CCND1: variants seen among roughly 807,000 people sequenced by gnomAD.
The protein encoded by CCND1 is G1/S-specific cyclin-D1.
In CCND1, 9 loss-of-function variants were observed where a neutral mutation model predicts 26.1. The observed-to-expected ratio is 0.35, with a 90% CI of 0.21 to 0.60. CCND1 has a LOEUF of 0.60. Among genes scored for constraint, CCND1 ranks in the 20% least tolerant of loss-of-function variants. The pLI is 0.79. For missense variants in CCND1, 335 were observed against 392.9 expected (o/e 0.85, Z 1.25); for synonymous variants, 194 against 166.1 (o/e 1.17, Z -1.29).
At position 69,652,305 on chromosome 11, in the gene CCND1, G is replaced by T. The variant is rs1855865793; in HGVS notation, c.*1023G>T. The stretch of plus-strand genomic sequence containing the variant: ...ACCATTCCATTTCCAAGCACTTTCA[G>T]TCCAATAGGTGTAGGAAATAGCGCT... On this transcript the variant is annotated 3_prime_UTR_variant, in exon 5 of 5. Coordinates refer to ENST00000227507, the MANE Select transcript of CCND1 (RefSeq NM_053056.3). The T allele has an allele frequency of 8.6e-6, 2 of 233,574 alleles. No individual in the cohort carries two copies. Among genetic ancestry groups the T allele is most frequent in the Non-Finnish European group, 1.7e-5 (2 of 118,056 alleles). 14.5% of individuals were successfully genotyped at this position (233,574 alleles called of 1,614,324 possible). A position where few individuals can be genotyped will look rare whatever the true frequency, so the allele number is the denominator to read the frequency against.
Position 69,643,147 on chromosome 11 carries a change from T to C in CCND1, c.315T>C (p.Thr105=). 1.2e-6 allele frequency: 2 copies of C among 1,609,910 alleles called. No homozygotes were observed. The highest frequency in any genetic ancestry group is 1.7e-6 in the Non-Finnish European group (2 of 1,178,364). The change falls in exon 2 of 5, where the codon ACT becomes ACC. Residue 105 remains threonine (T), a synonymous_variant. Coordinates refer to ENST00000227507, the MANE Select transcript of CCND1 (RefSeq NM_053056.3). ...KKSRLQLLGA[T]CMFVASKMKE... ...GCCGCCTGCAGCTGCTGGGGGCCAC[T>C]TGCATGTTCGTGGCCTCTAAGATGA...
rs1268737656 is a variant in CCND1 at position 69,654,255 on chromosome 11, T to C, written c.*2973T>C. On this transcript the variant is annotated 3_prime_UTR_variant, in exon 5 of 5. Transcript: ENST00000227507. This position sits in a 1 kb window ranked among gnomAD's most constrained non-coding sequence, Gnocchi z 6.3. Reference sequence around the variant, plus strand: ...GGGCAAGGGCACAAGTCCTGGATGTTGTGTGTATCGAGAGGCCAAAGGCTG... The same window carrying C: ...GGGCAAGGGCACAAGTCCTGGATGTCGTGTGTATCGAGAGGCCAAAGGCTG... The C allele has an allele frequency of 1.4e-6, 1 of 702,382 alleles. No homozygotes were observed. Among genetic ancestry groups the C allele is most frequent in the Admixed American group, 2.0e-5 (1 of 49,988 alleles). The allele number at this position is 702,382 out of a possible 1,614,324, so 43.5% of individuals were successfully genotyped here. A position where few individuals can be genotyped will look rare whatever the true frequency, so the allele number is the denominator to read the frequency against.
At position 69,643,929 on chromosome 11, in the gene CCND1, C is replaced by T. The variant is rs1373641771; in HGVS notation, c.512C>T (p.Ala171Val). The part of the protein sequence containing the change: ...IEHFLSKMPE[A>V]EENKQIIRKH... ...CACTTCCTCTCCAAAATGCCAGAGG[C>T]GGAGGAGAACAAACAGATCATCCGC... Residue 171 changes from alanine to valine, a missense_variant, in exon 3 of 5, where the codon GCG becomes GTG. Physicochemically the swap from Ala to Val is moderately conservative, Grantham distance 64. Transcript: ENST00000227507. 1.9e-6 allele frequency: 3 copies of T among 1,613,590 alleles called. No homozygotes were observed. Among genetic ancestry groups the T allele is most frequent in the Non-Finnish European group, 2.5e-6 (3 of 1,180,006 alleles).
chr11:69,641,497 A>T lies in CCND1; in HGVS notation c.184A>T (p.Thr62Ser), dbSNP rs1855699349. ...VLPSMRKIVA[T>S]WMLEVCEEQK... ...GCCGTCCATGCGGAAGATCGTCGCC[A>T]CCTGGATGCTGGAGGTGCGGGGCTT... The change falls in exon 1 of 5, where the codon ACC becomes TCC. Residue 62 changes from threonine to serine, a missense_variant. Transcript: ENST00000227507. 2 of 1,613,078 alleles carry T rather than the reference A, an allele frequency of 1.2e-6. No individual in the cohort carries two copies. Among genetic ancestry groups the T allele is most frequent in the Admixed American group, 1.7e-5 (1 of 60,018 alleles).
intron 2 of CCND1, 92 bp downstream of exon 2, chr11:69,643,338 CCT>C: frequency 9.6e-7 from 1 of 1,038,002 alleles, no homozygotes; most frequent in South Asian, 1.5e-5. Flanking sequence ...GGCCGGCCCG[CCT>C]CTGACATATC....
intron 1 of CCND1, 78 bp downstream of exon 1, chr11:69,641,589 C>A (rs898743929): frequency 1.3e-5 from 17 of 1,339,430 alleles, no homozygotes; most frequent in African/African-American, 4.3e-5. Flanking sequence ...CTACTCACCC[C>A]CCTCCCTTCT....
chr11:69,653,076 A>G lies in CCND1; in HGVS notation c.*1794A>G, dbSNP rs1855874419. On this transcript the variant is annotated 3_prime_UTR_variant, in exon 5 of 5. Transcript: ENST00000227507. ...AATAGACAATTTGCACATCTTGGCTATGTAATTCTTGTAATTTTTATTTAG... is the reference window on the plus strand; with the variant it reads ...AATAGACAATTTGCACATCTTGGCTGTGTAATTCTTGTAATTTTTATTTAG... 1 of 537,254 alleles carries G rather than the reference A, an allele frequency of 1.9e-6. No homozygotes were observed. Among genetic ancestry groups the G allele is most frequent in the Non-Finnish European group, 3.3e-6 (1 of 305,878 alleles). The allele number at this position is 537,254 out of a possible 1,614,324, so 33.3% of individuals were successfully genotyped here. A position where few individuals can be genotyped will look rare whatever the true frequency, so the allele number is the denominator to read the frequency against.
intron 2 of CCND1, 27 bp downstream of exon 2, chr11:69,643,273 GC>G: frequency 2.6e-6 from 4 of 1,518,520 alleles, no homozygotes; most frequent in Non-Finnish European, 8.9e-7. Flanking sequence ...GCCGCCCCCC[GC>G]CCCCCGCGAG....
chr11:69,653,531 G>A lies in CCND1; in HGVS notation c.*2249G>A, dbSNP rs1479318454. On this transcript the variant is annotated 3_prime_UTR_variant, in exon 5 of 5. Coordinates refer to ENST00000227507, the MANE Select transcript of CCND1 (RefSeq NM_053056.3). ...TTCACTTAGCCATGGTGGACCCAGC[G>A]GGCAGGTTCTGCCTGCTTTGGCGGG... 21 of 554,424 alleles carry A rather than the reference G, an allele frequency of 3.8e-5. No homozygotes were observed. Among genetic ancestry groups the A allele is most frequent in the East Asian group, 9.4e-5 (3 of 32,048 alleles). The allele number at this position is 554,424 out of a possible 1,614,324, so 34.3% of individuals were successfully genotyped here. A position where few individuals can be genotyped will look rare whatever the true frequency, so the allele number is the denominator to read the frequency against.
chr11:69,644,005 G>C lies in CCND1; in HGVS notation c.574+14G>C, dbSNP rs748185975. 2 of 1,612,784 alleles carry C rather than the reference G, an allele frequency of 1.2e-6. No homozygotes were observed. Among genetic ancestry groups the C allele is most frequent in the Non-Finnish European group, 1.7e-6 (2 of 1,179,886 alleles). ...TCTGTGCCACAGGTAGGGCAGGCCC[G>C]GCAGCCCCCGGCCTCCCCTTGAGAG... is the stretch of plus-strand genomic sequence containing the variant. On this transcript the variant is annotated intron_variant, in intron 3 of 4. Coordinates refer to ENST00000227507, the MANE Select transcript of CCND1 (RefSeq NM_053056.3).
rs775045588 is a variant in CCND1, at chr11:69,651,287, G to A, written c.*5G>A. ...GTGCGGGACGTGGACATCTGAGGGC[G>A]CCAGGCAGGCGGGCGCCACCGCCAC... is the stretch of plus-strand genomic sequence containing the variant. On this transcript the variant is annotated 3_prime_UTR_variant, in exon 5 of 5. Coordinates refer to ENST00000227507, the MANE Select transcript of CCND1 (RefSeq NM_053056.3). 4 of 1,479,268 alleles carry A rather than the reference G, an allele frequency of 2.7e-6. No homozygotes were observed. Among genetic ancestry groups the A allele is most frequent in the East Asian group, 2.6e-5 (1 of 37,836 alleles). The allele number at this position is 1,479,268 out of a possible 1,614,324, so 91.6% of individuals were successfully genotyped here. A position where few individuals can be genotyped will look rare whatever the true frequency, so the allele number is the denominator to read the frequency against.
At position 69,641,204 on chromosome 11, in the gene CCND1, G is replaced by C. The variant is rs922359605; in HGVS notation, c.-110G>C. The C allele has an allele frequency of 1.8e-6, 2 of 1,100,342 alleles. No individual in the cohort carries two copies. Among genetic ancestry groups the C allele is most frequent in the Non-Finnish European group, 2.7e-6 (2 of 738,132 alleles). 68.2% of individuals were successfully genotyped at this position (1,100,342 alleles called of 1,614,324 possible). A position where few individuals can be genotyped will look rare whatever the true frequency, so the allele number is the denominator to read the frequency against. Reference sequence around the variant, plus strand: ...GCGAGCAGCAGAGTCCGCACGCTCCGGCGAGGGGCAGAAGAGCGCGAGGGA... The same window carrying C: ...GCGAGCAGCAGAGTCCGCACGCTCCCGCGAGGGGCAGAAGAGCGCGAGGGA... On this transcript the variant is annotated 5_prime_UTR_variant, in exon 1 of 5. Coordinates refer to ENST00000227507, the MANE Select transcript of CCND1 (RefSeq NM_053056.3).
In CCND1 at chr11:69,648,449, G is replaced by T. The variant is rs962253806; in HGVS notation, c.723+307G>T. Among the ~76,000 whole-genome samples, 4 of 152,370 alleles carry T rather than the reference G, an allele frequency of 2.6e-5. No homozygotes were observed. In the East Asian group the frequency reaches 7.7e-4, roughly 29 times the overall value. On this transcript the variant is annotated intron_variant, in intron 4 of 4. Coordinates refer to ENST00000227507, the MANE Select transcript of CCND1 (RefSeq NM_053056.3). ...CAGGCGGCCCCAGCCAATGGTCTGT[G>T]TGGTGATGGTGTGTGGGGTTAGGCC...
intron 3 of CCND1, among the ~76,000 whole-genome samples, chr11:69,644,378 C>T (rs568929451): frequency 4.7e-4 from 71 of 152,324 alleles, no homozygotes; most frequent in African/African-American, 1.6e-3. Context: ...CCTTAAGGAG[C>T]CTGAGCTGCA....
chr11:69,653,427 T>G lies in CCND1; in HGVS notation c.*2145T>G. The G allele has an allele frequency of 1.6e-6, 1 of 633,366 alleles. No homozygotes were observed. Among genetic ancestry groups the G allele is most frequent in the Non-Finnish European group, 2.8e-6 (1 of 359,978 alleles). The allele number at this position is 633,366 out of a possible 1,614,324, so 39.2% of individuals were successfully genotyped here. A position where few individuals can be genotyped will look rare whatever the true frequency, so the allele number is the denominator to read the frequency against. ...CAGATGCCTTTTTTGTAGTTTTTTT[T>G]TTTTTTATGTGATCAATTTTGACTT... On this transcript the variant is annotated 3_prime_UTR_variant, in exon 5 of 5. Transcript: ENST00000227507.
intron 3 of CCND1, among the ~76,000 whole-genome samples, chr11:69,646,602 C>T (rs888400489): frequency 2.0e-5 from 3 of 152,172 alleles, no homozygotes; most frequent in Non-Finnish European, 4.4e-5. Context: ...TCATCCCTGC[C>T]GACGTCCGGC....
intron 4 of CCND1, among the ~76,000 whole-genome samples, chr11:69,649,004 G>A (rs1855822101): frequency 6.6e-6 from 1 of 152,242 alleles, no homozygotes; most frequent in South Asian, 2.1e-4. Flanking sequence ...TGTCTCGGAA[G>A]AGGAAGAAGC....
intron 4 of CCND1, 131 bp downstream of exon 4, chr11:69,648,273 G>C (rs893790959): frequency 7.0e-6 from 7 of 995,566 alleles, no homozygotes; most frequent in Admixed American, 4.9e-5. Context: ...TGGGCCCCTC[G>C]GACCCCAGGC....
At chr11:69,647,848 G>A (rs1341573765) in intron 3 of CCND1, 146 bp from the exon 4 acceptor site, 2 of 838,108 alleles carry the variant, frequency 2.4e-6, no homozygotes, top group Non-Finnish European at 3.7e-6. Flanking sequence ...GGCTGAGGAG[G>A]GCCTGGATGT....
Sources: allele counts gnomAD v4.1 joint callset (sites outside exome capture counted in the v4.1 genomes callset), GRCh38; gene constraint gnomAD v4.1.1; non-coding constraint Gnocchi (gnomAD v3.1); transcripts MANE v1.5; gene names NCBI Gene and HGNC (gene_info 2026-07-23, HGNC 2026-07-21).